The following RBM26 variants were observed in gnomAD, a reference collection of about 807,000 sequenced individuals.
RBM26 encodes the protein RNA-binding protein 26.
Under a neutral mutation model 123.6 loss-of-function variants are expected in RBM26, and 30 were observed. That is an observed-to-expected ratio of 0.24 (90% CI 0.18 to 0.33). The LOEUF is 0.33. Among genes scored for constraint, RBM26 ranks in the 10% least tolerant of loss-of-function variants. The probability of loss-of-function intolerance (pLI) is 1.00; values close to 1 mark genes in which losing one functional copy is unlikely to be tolerated. For missense variants in RBM26, 947 were observed against 1,203.6 expected (o/e 0.79, Z 3.15); for synonymous variants, 400 against 404.4 (o/e 0.99, Z 0.13).
At chr13:79,398,043 A>C (rs777510806) in intron 1 of RBM26, among the ~76,000 whole-genome samples, 3 of 152,238 alleles carry the variant, frequency 2.0e-5, no homozygotes, top group Non-Finnish European at 4.4e-5. Flanking sequence ...CCCTAAGTTA[A>C]AAATAAACTT....
Position 79,368,719 on chromosome 13 carries a change from G to A in RBM26, c.895+11C>T. On this transcript the variant is annotated intron_variant, in intron 6 of 21. Coordinates refer to ENST00000438737, the MANE Select transcript of RBM26 (RefSeq NM_001366735.2). ...TAATTAAATACTTTATCAAACAGCT[G>A]AAAGACTTACCATCATAGTCTCTAC... 1 of 1,609,204 alleles carries A rather than the reference G, an allele frequency of 6.2e-7. No individual in the cohort carries two copies.
chr13:79,327,205 A>T (rs2138583641), intron 20 of RBM26, among the ~76,000 whole-genome samples: 1 of 151,546 alleles, frequency 6.6e-6, no homozygotes, highest in Non-Finnish European at 1.5e-5. Flanking sequence ...CTGAGGTGGG[A>T]GGATCACCTG....
downstream of RBM26, chr13:79,314,354 A>G (rs1012009480): frequency 2.0e-5 from 3 of 151,772 alleles, no homozygotes; most frequent in African/African-American, 7.2e-5. Flanking sequence ...GTCACTTGGA[A>G]GAAAATTATT....
intron 18 of RBM26, 25 bp downstream of exon 18, chr13:79,341,098 A>G: frequency 2.2e-6 from 3 of 1,343,708 alleles, no homozygotes; most frequent in Non-Finnish European, 3.2e-6. Flanking sequence ...TTTTAAGCCT[A>G]CTGTGTAGTT....
intron 17 of RBM26, 39 bp from the exon 18 acceptor site, chr13:79,341,266 ACTATC>A: frequency 7.7e-7 from 1 of 1,299,114 alleles, no homozygotes; most frequent in Non-Finnish European, 1.1e-6. Flanking sequence ...GACAGTAATT[ACTATC>A]CTGTATTGAT....
intron 1 of RBM26, among the ~76,000 whole-genome samples, chr13:79,401,609 T>C (rs1035683047): frequency 3.3e-5 from 5 of 152,202 alleles, no homozygotes; most frequent in African/African-American, 1.2e-4. Context: ...GGAGTGTTGG[T>C]GATAATTCTA....
intron 1 of RBM26, among the ~76,000 whole-genome samples, chr13:79,402,435 C>CA (rs1555349530): frequency 7.1e-6 from 1 of 140,620 alleles, no homozygotes; most frequent in South Asian, 2.3e-4. Flanking sequence ...CACAGCCAGG[C>CA]TTTTTTTTTT....
intron 20 of RBM26, among the ~76,000 whole-genome samples, chr13:79,330,487 CAA>C (rs2069120885): frequency 6.6e-6 from 1 of 152,140 alleles, no homozygotes; most frequent in Non-Finnish European, 1.5e-5. Flanking sequence ...ACTTATCTGA[CAA>C]GAGAATCTTT....
At chr13:79,383,207 A>G (rs1268697699) in intron 1 of RBM26, among the ~76,000 whole-genome samples, 8 of 152,194 alleles carry the variant, frequency 5.3e-5, no homozygotes, top group Non-Finnish European at 8.8e-5. Context: ...TAAGCACTGG[A>G]CTGGATAGTA....
chr13:79,392,048 A>T (rs2078063930), intron 1 of RBM26, among the ~76,000 whole-genome samples: 1 of 36,658 alleles, frequency 2.7e-5, no homozygotes, highest in African/African-American at 7.3e-5. Flanking sequence ...TATACAATAC[A>T]TTATTATATA....
intron 1 of RBM26, among the ~76,000 whole-genome samples, chr13:79,398,501 T>C (rs970741038): frequency 2.6e-5 from 4 of 152,120 alleles, no homozygotes; most frequent in Non-Finnish European, 4.4e-5. Context: ...TTATCACAAG[T>C]TAAGGGGATA....
At chr13:79,344,136 G>C in intron 16 of RBM26, 112 bp downstream of exon 16, 1 of 754,746 alleles carries the variant, frequency 1.3e-6, no homozygotes, top group Non-Finnish European at 2.4e-6. Flanking sequence ...ACAAATATTT[G>C]TTTTACCATT....
At chr13:79,404,445 A>G (rs1377114976) in intron 1 of RBM26, among the ~76,000 whole-genome samples, 2 of 152,230 alleles carry the variant, frequency 1.3e-5, no homozygotes, top group Non-Finnish European at 2.9e-5. Flanking sequence ...TCTACAAAAT[A>G]GGCAGAGTTA....
chr13:79,320,742 C>CAAAAAAAAAA (rs34668220), intron 21 of RBM26, 32 bp from the exon 22 acceptor site: 2 of 1,007,218 alleles, frequency 2.0e-6, no homozygotes, highest in East Asian at 3.5e-5. Flanking sequence ...GGAATTTACC[C>CAAAAAAAAAA]AAAAAAAAAA....
chr13:79,331,024 T>C, intron 20 of RBM26, among the ~76,000 whole-genome samples: 1 of 149,924 alleles, frequency 6.7e-6, no homozygotes, highest in Non-Finnish European at 1.5e-5. Flanking sequence ...CCCCTATTTT[T>C]TGCTAAGATA....
In RBM26 at chr13:79,366,676, T is replaced by C. The variant is rs7327603; in HGVS notation, c.1092A>G (p.Val364=). The C allele has an allele frequency of 0.5, 787,462 of 1,589,112 alleles. 198,529 individuals are homozygous for C. Among genetic ancestry groups the C allele is most frequent in the African/African-American group, 0.58 (42,788 of 73,512 alleles). The change falls in exon 7 of 22, where the codon GTA becomes GTG. Residue 364 remains valine (V), a synonymous_variant. Transcript: ENST00000438737. The stretch of plus-strand genomic sequence containing the variant: ...TGGGTGGCAATGGACCTGGCGGTGG[T>C]ACTGGGGGCCTGAGATTCACAGGTG... The part of the protein sequence containing the change: ...TPPPVNLRPP[V]PPPGPLPPSL...
At chr13:79,339,536 T>C (rs993843075) in intron 18 of RBM26, among the ~76,000 whole-genome samples, 6 of 152,276 alleles carry the variant, frequency 3.9e-5, no homozygotes, top group Non-Finnish European at 7.4e-5. Context: ...ATATAATTCT[T>C]CATTTGTCAA....
intron 21 of RBM26, among the ~76,000 whole-genome samples, chr13:79,322,125 G>A (rs1367655061): frequency 1.3e-5 from 2 of 151,340 alleles, no homozygotes; most frequent in Non-Finnish European, 3.0e-5. Context: ...AATAAAAATT[G>A]AGTATATATA....
rs1385906779 is a variant in RBM26 at position 79,341,183 on chromosome 13, C to T, written c.2472G>A (p.Lys824=). The T allele has an allele frequency of 6.2e-7, 1 of 1,610,262 alleles. No individual in the cohort carries two copies. Among genetic ancestry groups the T allele is most frequent in the Non-Finnish European group, 8.5e-7 (1 of 1,177,684 alleles). The change falls in exon 18 of 22, where the codon AAG becomes AAA. Residue 824 remains lysine (K), a synonymous_variant. Transcript: ENST00000438737. ...CAGTGACTTCTTCTCCAGCCTGCAT[C>T]TTCTTATATAAATCCAGTTCTGTGT... ...LLDTELDLYK[K]MQAGEEVTEL... is the part of the protein sequence containing the mutation.
Sources: allele counts gnomAD v4.1 joint callset (sites outside exome capture counted in the v4.1 genomes callset), GRCh38; gene constraint gnomAD v4.1.1; transcripts MANE v1.5; gene names NCBI Gene and HGNC (gene_info 2026-07-23, HGNC 2026-07-21).